RANBP2: variants seen among roughly 807,000 people sequenced by gnomAD.
RANBP2 encodes E3 SUMO-protein ligase RanBP2.
A neutral mutation model predicts 303.6 loss-of-function variants in RANBP2; 57 were observed. That is an observed-to-expected ratio of 0.19 (90% CI 0.15 to 0.23). The LOEUF is 0.23. Ranked by LOEUF, RANBP2 falls within the 10% of genes least tolerant of loss-of-function variation. RANBP2 has a pLI of 1.00. For missense variants in RANBP2, 3,138 were observed against 3,780.8 expected (o/e 0.83, Z 4.46); for synonymous variants, 1,167 against 1,301.5 (o/e 0.90, Z 2.23).
the RANBP2 span, among the ~76,000 whole-genome samples, chr2:109,213,764 G>A: frequency 6.6e-6 from 1 of 152,202 alleles, no homozygotes; most frequent in Non-Finnish European, 1.5e-5. Context: ...AAATAGGAAC[G>A]TGACGTGGTC....
the RANBP2 span, among the ~76,000 whole-genome samples, chr2:109,603,296 G>A: frequency 2.0e-5 from 3 of 151,460 alleles, no homozygotes; most frequent in East Asian, 1.9e-4. Flanking sequence ...GTGCAGTGGC[G>A]CAATCTCGGC....
chr2:109,225,700 G>C, the RANBP2 span, among the ~76,000 whole-genome samples: 1 of 152,262 alleles, frequency 6.6e-6, no homozygotes, highest in Non-Finnish European at 1.5e-5. Flanking sequence ...GAGGAGAGCA[G>C]GTGGTGTGTT....
the RANBP2 span, among the ~76,000 whole-genome samples, chr2:109,090,308 C>CCACACACACACA: frequency 1.1e-4 from 15 of 132,730 alleles, no homozygotes; most frequent in African/African-American, 4.0e-4. Context: ...GGACACCTCG[C>CCACACACACACA]CTCACACACA....
At chr2:109,707,636 G>A in the RANBP2 span, among the ~76,000 whole-genome samples, 25 of 152,292 alleles carry the variant, frequency 1.6e-4, no homozygotes, top group South Asian at 3.1e-3. Context: ...GGAGAACAGG[G>A]CCCAGCAGGG....
chr2:108,729,312 G>C, intron 2 of RANBP2, 113 bp downstream of exon 2: 2 of 1,202,820 alleles, frequency 1.7e-6, no homozygotes, highest in South Asian at 3.0e-5. Context: ...GTGTATTCTG[G>C]AATAAGGGAT....
chr2:108,911,176 C>T, the RANBP2 span: 1 of 1,412,646 alleles, frequency 7.1e-7, no homozygotes, highest in Non-Finnish European at 1.0e-6. Context: ...CCCTGGGATG[C>T]TTTCAGGGAA....
the RANBP2 span, among the ~76,000 whole-genome samples, chr2:108,841,927 T>C: frequency 6.6e-6 from 1 of 152,180 alleles, no homozygotes; most frequent in Non-Finnish European, 1.5e-5. Flanking sequence ...CTAATAGTTC[T>C]TCTTGGTATT....
the RANBP2 span, chr2:109,490,733 A>G: frequency 1.3e-6 from 2 of 1,536,100 alleles, no homozygotes; most frequent in Non-Finnish European, 1.7e-6. Flanking sequence ...TCCAAGGTGC[A>G]GTGGGCCCCG....
the RANBP2 span, among the ~76,000 whole-genome samples, chr2:109,626,749 A>T: frequency 6.6e-6 from 1 of 152,176 alleles, no homozygotes; most frequent in African/African-American, 2.4e-5. Flanking sequence ...TTTTCAGTAG[A>T]CTGGCTTCTG....
the RANBP2 span, chr2:109,593,024 T>C: frequency 2.7e-6 from 4 of 1,475,212 alleles, no homozygotes; most frequent in South Asian, 5.5e-5. Context: ...GAGTACAATA[T>C]GGTATCTATT....
Position 108,768,221 on chromosome 2 carries a change from G to C in RANBP2, c.7682G>C (p.Ser2561Thr), listed in dbSNP as rs751320665. Reference sequence around the variant, plus strand: ...TTGAAAAGTAACAATAGTGAAACTAGTTCAGTAGCCCAGAGTGGATCTGAA... The same window carrying C: ...TTGAAAAGTAACAATAGTGAAACTACTTCAGTAGCCCAGAGTGGATCTGAA... ...APLKSNNSET[S>T]SVAQSGSESK... Residue 2561 changes from serine to threonine, a missense_variant, in exon 20 of 29, where the codon AGT becomes ACT. Physicochemically the swap from Ser to Thr is moderately conservative, Grantham distance 58. Transcript: ENST00000283195. 11 of 1,611,882 alleles carry C rather than the reference G, an allele frequency of 6.8e-6. No individual in the cohort carries two copies. In the South Asian group the frequency reaches 9.9e-5, roughly 14 times the overall value.
chr2:109,217,911 T>G, the RANBP2 span, among the ~76,000 whole-genome samples: 1 of 152,160 alleles, frequency 6.6e-6, no homozygotes, highest in African/African-American at 2.4e-5. Flanking sequence ...GGCCCGGCTG[T>G]GGGTGGCCTT....
chr2:109,398,461 C>A, the RANBP2 span: 1 of 859,512 alleles, frequency 1.2e-6, no homozygotes, highest in Non-Finnish European at 1.8e-6. Context: ...TCTGTGTTTT[C>A]CCTGCAGTCT....
At chr2:108,897,857 G>A in the RANBP2 span, among the ~76,000 whole-genome samples, 2 of 152,176 alleles carry the variant, frequency 1.3e-5, no homozygotes, top group African/African-American at 4.8e-5. Context: ...TGGACATTCT[G>A]TGTAAAACAA....
chr2:109,214,177 G>C, the RANBP2 span, among the ~76,000 whole-genome samples: 1 of 152,212 alleles, frequency 6.6e-6, no homozygotes, highest in African/African-American at 2.4e-5. Flanking sequence ...TGGAGGTGAG[G>C]CTAAGACGCA....
the RANBP2 span, among the ~76,000 whole-genome samples, chr2:109,094,101 G>A: frequency 6.6e-6 from 1 of 152,136 alleles, no homozygotes; most frequent in African/African-American, 2.4e-5. Flanking sequence ...GGCAGTTATG[G>A]GGGGATACTC....
intron 1 of RANBP2, chr2:108,720,182 C>T (rs926417925): frequency 1.0e-6 from 1 of 983,280 alleles, no homozygotes. Flanking sequence ...AGGTAGGCAT[C>T]TCAGCGCGGA....
At chr2:109,357,923 C>T in the RANBP2 span, among the ~76,000 whole-genome samples, 3 of 152,152 alleles carry the variant, frequency 2.0e-5, no homozygotes, top group Admixed American at 6.5e-5. Flanking sequence ...ATTGACAAAT[C>T]GTTATTACTC....
intron 18 of RANBP2, among the ~76,000 whole-genome samples, chr2:108,759,094 T>G (rs1676539004): frequency 6.6e-6 from 1 of 151,346 alleles, no homozygotes; most frequent in South Asian, 2.1e-4. Flanking sequence ...ACATAATTAC[T>G]ATGAGCATTT....
Sources: allele counts gnomAD v4.1 joint callset (sites outside exome capture counted in the v4.1 genomes callset), GRCh38; gene constraint gnomAD v4.1.1; transcripts MANE v1.5; gene names NCBI Gene and HGNC (gene_info 2026-07-23, HGNC 2026-07-21).